SNX29: variants seen among roughly 807,000 people sequenced by gnomAD.
The protein encoded by SNX29 is sorting nexin-29.
Under a neutral mutation model 102.1 loss-of-function variants are expected in SNX29, and 78 were observed. The ratio of observed to expected loss-of-function variants is 0.76; its 90% CI spans 0.64 to 0.92. The LOEUF (loss-of-function observed/expected upper bound fraction) is 0.92. SNX29 is among the 40% of genes least tolerant of loss of function. The probability of loss-of-function intolerance (pLI) is 0.00; values close to 1 mark genes in which losing one functional copy is unlikely to be tolerated. For synonymous variants in SNX29, 580 were observed against 414.5 expected (o/e 1.40, Z -4.85); for missense variants, 1,280 against 1,061.7 (o/e 1.21, Z -2.86).
intron 16 of SNX29, 127 bp from the exon 17 acceptor site, chr16:12,398,319 C>CT: frequency 2.9e-6 from 3 of 1,040,256 alleles, no homozygotes; most frequent in Non-Finnish European, 4.4e-6. Flanking sequence ...CCAGTGACTG[C>CT]TTTTTCACTT....
chr16:12,295,219 C>T (rs965975402), intron 15 of SNX29, among the ~76,000 whole-genome samples: 16 of 152,176 alleles, frequency 1.1e-4, no homozygotes, highest in South Asian at 2.1e-4. Context: ...GTCCTTGCTT[C>T]TCCACTTCTA....
intron 19 of SNX29, among the ~76,000 whole-genome samples, chr16:12,492,616 C>G (rs535035572): frequency 3.5e-4 from 54 of 152,280 alleles, no homozygotes; most frequent in African/African-American, 1.2e-3. Context: ...ATGCCTATGT[C>G]CTGAATGGTA....
chr16:12,259,485 G>T (rs930710638), intron 14 of SNX29, among the ~76,000 whole-genome samples: 1 of 152,136 alleles, frequency 6.6e-6, no homozygotes, highest in Admixed American at 6.5e-5. Flanking sequence ...CCTCCAGCCC[G>T]CAGCCCCCAC....
At chr16:12,105,223 C>CCCTCCCTT (rs1402121505) in intron 11 of SNX29, among the ~76,000 whole-genome samples, 12 of 110,300 alleles carry the variant, frequency 1.1e-4, no homozygotes, top group African/African-American at 2.8e-4. Flanking sequence ...CTCCCTCCCT[C>CCCTCCCTT]CCTCCCTTCC....
At chr16:12,228,495 T>A (rs1168007074) in intron 14 of SNX29, among the ~76,000 whole-genome samples, 2 of 152,210 alleles carry the variant, frequency 1.3e-5, no homozygotes, top group African/African-American at 2.4e-5. Context: ...CTTACCCCTT[T>A]CTTTACAACA....
At chr16:12,497,658 A>T (rs999030463) in intron 19 of SNX29, among the ~76,000 whole-genome samples, 1 of 152,108 alleles carries the variant, frequency 6.6e-6, no homozygotes, top group African/African-American at 2.4e-5. Context: ...TGCCTGTTGT[A>T]TCTGTTCCTG....
rs1374611371 is a variant in SNX29 at position 12,461,968 on chromosome 16, AAAAAAAAAAAATATATATAT to A, written c.2038-15749_2038-15730del. 3.2e-4 allele frequency among the ~76,000 whole-genome samples: 22 copies of A among 68,538 alleles called. 1 individual carries two copies. Among genetic ancestry groups the A allele is most frequent in the African/African-American group, 1.3e-3 (17 of 13,340 alleles). The allele number at this position is 68,538 out of a possible 152,430, so 45.0% of individuals were successfully genotyped here. On this transcript the variant is annotated intron_variant, in intron 18 of 20. Coordinates refer to ENST00000566228, the MANE Select transcript of SNX29 (RefSeq NM_032167.5). Reference sequence around the variant, plus strand: ...GAGACTCTGTCTCAAAAAAAAAAAAAAAAAAAAAAAATATATATATATATATATATATATATATATATATG... The same window carrying A: ...GAGACTCTGTCTCAAAAAAAAAAAAAATATATATATATATATATATATATG...
At chr16:12,562,560 C>A (rs1011996475) in intron 20 of SNX29, among the ~76,000 whole-genome samples, 2 of 152,128 alleles carry the variant, frequency 1.3e-5, no homozygotes, top group African/African-American at 4.8e-5. Context: ...AGACACTGTC[C>A]CCGTGGTCCC....
intron 19 of SNX29, among the ~76,000 whole-genome samples, chr16:12,482,664 T>G (rs552573461): frequency 6.6e-6 from 1 of 152,346 alleles, no homozygotes; most frequent in East Asian, 1.9e-4. Flanking sequence ...AATGACTCAC[T>G]GCAGAATCCA....
At chr16:12,045,175 T>A (rs1427411263) in intron 5 of SNX29, among the ~76,000 whole-genome samples, 1 of 152,246 alleles carries the variant, frequency 6.6e-6, no homozygotes, top group African/African-American at 2.4e-5. Context: ...GTACGTCTAC[T>A]AACATTTTCT....
intron 18 of SNX29, among the ~76,000 whole-genome samples, chr16:12,470,856 G>A (rs1387437562): frequency 6.6e-6 from 1 of 152,218 alleles, no homozygotes; most frequent in African/African-American, 2.4e-5. Context: ...AATATTAACA[G>A]CTGCCATTGC....
In SNX29 at chr16:12,366,042, C is replaced by CAAAAAAA. The variant is rs55895030; in HGVS notation, c.1899+9785_1899+9791dup. Among the ~76,000 whole-genome samples the CAAAAAAA allele has an allele frequency of 9.1e-4, 66 of 72,432 alleles. 1 individual carries two copies. The highest frequency in any genetic ancestry group is 2.8e-3 in the African/African-American group (63 of 22,498). 47.5% of individuals were successfully genotyped at this position (72,432 alleles called of 152,430 possible). On this transcript the variant is annotated intron_variant, in intron 16 of 20. Transcript: ENST00000566228. ...GGGCGTCAGAGTGAGACTCTTGTCT[C>CAAAAAAA]AAAAAAAAAAAAAAAAAAAAAAAAA...
chr16:12,048,600 T>G lies in SNX29; in HGVS notation c.728T>G (p.Val243Gly). 1.2e-6 allele frequency: 2 copies of G among 1,613,966 alleles called. No individual in the cohort carries two copies. Among genetic ancestry groups the G allele is most frequent in the Non-Finnish European group, 1.7e-6 (2 of 1,179,870 alleles). Residue 243 changes from valine (V) to glycine (G), a missense_variant, in exon 7 of 21, where the codon GTG becomes GGG. Physicochemically the swap from Val to Gly is moderately radical, Grantham distance 109. Coordinates refer to ENST00000566228, the MANE Select transcript of SNX29 (RefSeq NM_032167.5). ...PEQETDPLPV[V>G]SRNVSADAKC... is the part of the protein sequence containing the mutation. The stretch of plus-strand genomic sequence containing the variant: ...CAGGAGACCGACCCCTTGCCTGTCG[T>G]GTCCAGGAATGTCAGTGCTGGTGAG...
chr16:12,397,177 G>C (rs904203940), intron 16 of SNX29, among the ~76,000 whole-genome samples: 3 of 152,226 alleles, frequency 2.0e-5, no homozygotes, highest in African/African-American at 7.2e-5. Context: ...ACAGGCATGA[G>C]CCGCTTCACC....
At chr16:12,352,463 A>G (rs1442725088) in intron 15 of SNX29, among the ~76,000 whole-genome samples, 2 of 152,188 alleles carry the variant, frequency 1.3e-5, no homozygotes, top group East Asian at 3.9e-4. Flanking sequence ...ACATGTATAC[A>G]TACGTAACAA....
intron 11 of SNX29, among the ~76,000 whole-genome samples, chr16:12,122,715 G>T (rs1367244246): frequency 3.3e-5 from 5 of 152,174 alleles, no homozygotes; most frequent in African/African-American, 1.2e-4. Context: ...GGTGTGTGCA[G>T]GGTGGAAGCG....
chr16:12,523,405 C>T (rs569553558), intron 19 of SNX29, among the ~76,000 whole-genome samples: 11 of 152,338 alleles, frequency 7.2e-5, no homozygotes, highest in South Asian at 4.1e-4. Flanking sequence ...TTTGTTTCTT[C>T]ACCTTGCTTG....
At chr16:12,523,308 C>G (rs1056273332) in intron 19 of SNX29, among the ~76,000 whole-genome samples, 1 of 152,244 alleles carries the variant, frequency 6.6e-6, no homozygotes, top group African/African-American at 2.4e-5. Flanking sequence ...GTTTCCTCAT[C>G]TGTTACGCGC....
At chr16:12,390,261 A>G (rs1258761804) in intron 16 of SNX29, among the ~76,000 whole-genome samples, 2 of 151,918 alleles carry the variant, frequency 1.3e-5, no homozygotes, top group Non-Finnish European at 2.9e-5. Context: ...AGCCAGAGTG[A>G]CTGAAGTGTG....
Sources: gnomAD v4.1 joint callset for allele counts (sites outside exome capture counted in the v4.1 genomes callset) on GRCh38, gnomAD v4.1.1 for gene constraint, MANE v1.5 for transcripts, NCBI Gene and HGNC (gene_info 2026-07-23, HGNC 2026-07-21) for gene names.